MCC: variants seen among roughly 807,000 people sequenced by gnomAD.
The protein encoded by MCC is MCC regulator of Wnt signaling pathway, also known as colorectal mutant cancer protein.
MCC carries 90 observed loss-of-function variants against 116.2 expected under a neutral mutation model. The observed-to-expected ratio is 0.77, with a 90% CI of 0.65 to 0.92. MCC has a LOEUF of 0.92. Ranked by LOEUF, MCC falls within the 40% of genes least tolerant of loss-of-function variation. The pLI, the probability that MCC is intolerant of heterozygous loss-of-function variation, is 0.00. For synonymous variants in MCC, 578 were observed against 510.5 expected (o/e 1.13, Z -1.78); for missense variants, 1,516 against 1,312.2 (o/e 1.16, Z -2.40).
chr5:113,323,352 G>A (rs943281266), intron 3 of MCC: 5 of 152,292 alleles, frequency 3.3e-5, no homozygotes, highest in African/African-American at 1.2e-4. Flanking sequence ...AACTAATACA[G>A]AAGAGAGGTG....
At chr5:113,260,625 G>C (rs1454107411) in intron 3 of MCC, among the ~76,000 whole-genome samples, 1 of 151,920 alleles carries the variant, frequency 6.6e-6, no homozygotes, top group African/African-American at 2.4e-5. Flanking sequence ...TCTGTGCTCT[G>C]TTCCATTAAA....
intron 1 of MCC, among the ~76,000 whole-genome samples, chr5:113,466,407 C>G (rs572088225): frequency 2.1e-3 from 310 of 145,092 alleles, no homozygotes; most frequent in African/African-American, 7.5e-3. Flanking sequence ...TTGTTCAATT[C>G]CCACCTATGA....
chr5:113,180,876 C>T (rs1051413748), intron 3 of MCC, among the ~76,000 whole-genome samples: 8 of 152,160 alleles, frequency 5.3e-5, no homozygotes, highest in Middle Eastern at 3.4e-3. Context: ...AAAATAATTA[C>T]GTAAAGTTAC....
At chr5:113,285,099 A>C (rs1766195933) in intron 3 of MCC, among the ~76,000 whole-genome samples, 1 of 152,100 alleles carries the variant, frequency 6.6e-6, no homozygotes, top group African/African-American at 2.4e-5. Flanking sequence ...TGAAGATGTC[A>C]AAAAAATAAT....
At chr5:113,220,261 G>A (rs1016639065) in intron 3 of MCC, among the ~76,000 whole-genome samples, 2 of 151,206 alleles carry the variant, frequency 1.3e-5, no homozygotes, top group Non-Finnish European at 3.0e-5. Context: ...GGGTTTCACC[G>A]TGTTAGCCAG....
chr5:113,229,869 A>G (rs1763879006), intron 3 of MCC, among the ~76,000 whole-genome samples: 1 of 152,244 alleles, frequency 6.6e-6, no homozygotes, highest in African/African-American at 2.4e-5. Flanking sequence ...TAGTAAGTAG[A>G]CTGTGCCGTC....
chr5:113,331,495 A>AT (rs1767695196), intron 3 of MCC, among the ~76,000 whole-genome samples: 2 of 151,680 alleles, frequency 1.3e-5, no homozygotes, highest in African/African-American at 4.9e-5. Flanking sequence ...CCTTAGGTGG[A>AT]TATTTTGATC....
chr5:113,200,100 T>C (rs1762609128), intron 3 of MCC, among the ~76,000 whole-genome samples: 1 of 152,104 alleles, frequency 6.6e-6, no homozygotes, highest in Admixed American at 6.5e-5. Flanking sequence ...TAAGTTTTAA[T>C]GTGGAATTTG....
At chr5:113,044,089 C>T (rs534587345) in intron 16 of MCC, among the ~76,000 whole-genome samples, 12 of 152,246 alleles carry the variant, frequency 7.9e-5, no homozygotes, top group African/African-American at 2.4e-4. Context: ...ATCTCTTGAC[C>T]GCTAGGTAAA....
intron 11 of MCC, among the ~76,000 whole-genome samples, chr5:113,072,467 A>C (rs989836567): frequency 6.6e-6 from 1 of 152,156 alleles, no homozygotes; most frequent in Non-Finnish European, 1.5e-5. Flanking sequence ...GGCTAATTAG[A>C]TAAAGCCTTT....
At chr5:113,064,610 C>T (rs1753459717) in intron 13 of MCC, among the ~76,000 whole-genome samples, 1 of 152,226 alleles carries the variant, frequency 6.6e-6, no homozygotes, top group Non-Finnish European at 1.5e-5. Context: ...ATGTCTACAG[C>T]TTTGGTTAGA....
Position 113,435,013 on chromosome 5 carries a change from G to C in MCC, c.171-49801C>G, listed in dbSNP as rs373949279. 4.2e-4 allele frequency: 310 copies of C among 729,842 alleles called. 1 individual carries two copies. In the African/African-American group the frequency reaches 4.9e-3, roughly 12 times the overall value. 45.2% of individuals were successfully genotyped at this position (729,842 alleles called of 1,614,324 possible). The stretch of plus-strand genomic sequence containing the variant: ...GTGGAACATTTGGCACTGTCTCCCA[G>C]ATGACTTCAGCGAGTGAAGTCACAA... On this transcript the variant is annotated intron_variant, in intron 1 of 18. Coordinates refer to ENST00000408903, the MANE Select transcript of MCC (RefSeq NM_001085377.2).
intron 3 of MCC, among the ~76,000 whole-genome samples, chr5:113,199,395 A>G (rs1047361838): frequency 6.6e-6 from 1 of 152,150 alleles, no homozygotes; most frequent in African/African-American, 2.4e-5. Flanking sequence ...ATCTAAAAAC[A>G]ATGTGGGTAG....
At chr5:113,229,510 T>C (rs1036755874) in intron 3 of MCC, among the ~76,000 whole-genome samples, 1 of 152,190 alleles carries the variant, frequency 6.6e-6, no homozygotes, top group African/African-American at 2.4e-5. Context: ...TCAGCAAAAG[T>C]GATCCTCCTG....
intron 4 of MCC, among the ~76,000 whole-genome samples, chr5:113,149,111 C>T (rs1000386794): frequency 5.3e-5 from 8 of 152,032 alleles, no homozygotes; most frequent in South Asian, 2.1e-4. Context: ...TCACAATTTT[C>T]TTTTTTAAAA....
At chr5:113,163,710 C>A (rs534405414) in intron 3 of MCC, among the ~76,000 whole-genome samples, 2 of 152,248 alleles carry the variant, frequency 1.3e-5, no homozygotes, top group Non-Finnish European at 2.9e-5. Context: ...TTAGAAAATA[C>A]AGATAAAGGA....
intron 6 of MCC, 79 bp downstream of exon 6, chr5:113,122,605 G>T: frequency 6.5e-7 from 1 of 1,537,526 alleles, no homozygotes; most frequent in Non-Finnish European, 8.9e-7. Flanking sequence ...TTTTAATTCA[G>T]GCTGCCTCAC....
rs116459261 is a variant in MCC at position 113,453,119 on chromosome 5, G to A, written c.170+35126C>T. On this transcript the variant is annotated intron_variant, in intron 1 of 18. Coordinates refer to ENST00000408903, the MANE Select transcript of MCC (RefSeq NM_001085377.2). ...GGAGGTTGTTTATGTGACTGTCTCAGCAGTCTTATTGAGTTTTCCAGCGTG... is the reference window on the plus strand; with the variant it reads ...GGAGGTTGTTTATGTGACTGTCTCAACAGTCTTATTGAGTTTTCCAGCGTG... Among the ~76,000 whole-genome samples the A allele has an allele frequency of 1.5e-3, 227 of 152,278 alleles. 1 individual carries two copies. The highest frequency in any genetic ancestry group is 5.2e-3 in the African/African-American group (215 of 41,552).
intron 1 of MCC, among the ~76,000 whole-genome samples, chr5:113,457,063 G>T (rs1438848286): frequency 6.6e-6 from 1 of 152,184 alleles, no homozygotes; most frequent in Non-Finnish European, 1.5e-5. Context: ...GAGCCCTTCA[G>T]CCCACCGCTG....
Sources: gnomAD v4.1 joint callset for allele counts (sites outside exome capture counted in the v4.1 genomes callset) on GRCh38, gnomAD v4.1.1 for gene constraint, MANE v1.5 for transcripts, NCBI Gene and HGNC (gene_info 2026-07-23, HGNC 2026-07-21) for gene names.